Variants in SACM1L observed in about 807,000 individuals in gnomAD.
The protein encoded by SACM1L is SAC1 like phosphatidylinositide phosphatase.
A neutral mutation model predicts 89.5 loss-of-function variants in SACM1L; 32 were observed. That is an observed-to-expected ratio of 0.36 (90% CI 0.27 to 0.48). The LOEUF (loss-of-function observed/expected upper bound fraction) is 0.48. Among genes scored for constraint, SACM1L ranks in the 20% least tolerant of loss-of-function variants. The pLI is 0.99. For missense variants in SACM1L, 543 were observed against 708.5 expected (o/e 0.77, Z 2.65); for synonymous variants, 213 against 232.8 (o/e 0.92, Z 0.77).
chr3:45,736,599 T>C (rs762635398), intron 14 of SACM1L, among the ~76,000 whole-genome samples: 22 of 152,236 alleles, frequency 1.4e-4, no homozygotes, highest in Non-Finnish European at 1.6e-4. Context: ...GTTTGTATTG[T>C]GCTATGTCCT....
At chr3:45,735,906 G>A (rs962415832) in intron 14 of SACM1L, among the ~76,000 whole-genome samples, 3 of 151,540 alleles carry the variant, frequency 2.0e-5, no homozygotes, top group Non-Finnish European at 2.9e-5. Flanking sequence ...TGGCTCTGTT[G>A]CCCAGGCTGG....
At chr3:45,712,373 G>C (rs1437502621) in intron 5 of SACM1L, among the ~76,000 whole-genome samples, 1 of 152,084 alleles carries the variant, frequency 6.6e-6, no homozygotes, top group Non-Finnish European at 1.5e-5. Context: ...GCCTCCCCAA[G>C]TAACTGGGAC....
chr3:45,732,033 AAT>A lies in SACM1L; in HGVS notation c.1002-17_1002-16del, dbSNP rs776880718. 4 of 1,442,974 alleles carry A rather than the reference AAT, an allele frequency of 2.8e-6. No individual in the cohort carries two copies. The highest frequency in any genetic ancestry group is 2.9e-5 in the African/African-American group (2 of 69,820). The allele number at this position is 1,442,974 out of a possible 1,614,324, so 89.4% of individuals were successfully genotyped here. ...ATGAATGATCTCTGGTCGGTTTCTG[AAT>A]ATCTTTTCTTTTGGTAGATACATTG... On this transcript the variant is annotated intron_variant, in intron 12 of 19. Coordinates refer to ENST00000389061, the MANE Select transcript of SACM1L (RefSeq NM_014016.5).
intron 7 of SACM1L, 22 bp from the exon 8 acceptor site, chr3:45,719,478 T>A (rs1304128279): frequency 1.5e-6 from 2 of 1,317,430 alleles, no homozygotes; most frequent in Non-Finnish European, 2.2e-6. Flanking sequence ...TTATATGTTA[T>A]ATTTTTCTTA....
intron 8 of SACM1L, among the ~76,000 whole-genome samples, chr3:45,719,802 C>A (rs1243332067): frequency 6.6e-6 from 1 of 152,126 alleles, no homozygotes; most frequent in Non-Finnish European, 1.5e-5. Flanking sequence ...TAATGTGATA[C>A]TTGTAGGCTG....
chr3:45,699,821 CG>C (rs1401507639), intron 1 of SACM1L, among the ~76,000 whole-genome samples: 1 of 152,100 alleles, frequency 6.6e-6, no homozygotes, highest in Non-Finnish European at 1.5e-5. Context: ...CGCGCCCAGC[CG>C]AGAAAAACTT....
At chr3:45,724,298 GGTGTGTGTGTGTGTGTGTGT>G (rs61075879) in intron 11 of SACM1L, among the ~76,000 whole-genome samples, 14 of 139,716 alleles carry the variant, frequency 1.0e-4, no homozygotes, top group Non-Finnish European at 1.8e-4. Context: ...GTTGTTTTCT[GGTGTGTGTGTGTGTGTGTGT>G]GTGTGTGTGT....
At position 45,723,552 on chromosome 3, in the gene SACM1L, C is replaced by A; in HGVS notation, c.921+9C>A. 1 of 1,371,308 alleles carries A rather than the reference C, an allele frequency of 7.3e-7. No homozygotes were observed. Among genetic ancestry groups the A allele is most frequent in the Non-Finnish European group, 9.9e-7 (1 of 1,014,884 alleles). 84.9% of individuals were successfully genotyped at this position (1,371,308 alleles called of 1,614,324 possible). On this transcript the variant is annotated intron_variant, in intron 11 of 19. Transcript: ENST00000389061. Reference sequence around the variant, plus strand: ...AAGTTATAATCAATCTGGTATGTTTCTTATGTTTCTTGGGGGGAAAAAAAA... The same window carrying A: ...AAGTTATAATCAATCTGGTATGTTTATTATGTTTCTTGGGGGGAAAAAAAA...
At chr3:45,722,788 T>C in intron 9 of SACM1L, 81 bp from the exon 10 acceptor site, 1 of 997,086 alleles carries the variant, frequency 1.0e-6, no homozygotes, top group Non-Finnish European at 1.5e-6. Context: ...TATTCATTAA[T>C]ATATACACCC....
Position 45,709,719 on chromosome 3 carries a change from A to G in SACM1L, c.483+72A>G. The G allele has an allele frequency of 1.5e-6, 2 of 1,334,592 alleles. 1 individual carries two copies. Among genetic ancestry groups the G allele is most frequent in the South Asian group, 2.9e-5 (2 of 70,034 alleles). 82.7% of individuals were successfully genotyped at this position (1,334,592 alleles called of 1,614,324 possible). ...ACATGTCTCTGTTTCATGCATAAAA[A>G]TTTATATTGATTTTTCTCAGTCCTG... On this transcript the variant is annotated intron_variant, in intron 5 of 19. Transcript: ENST00000389061.
In SACM1L at chr3:45,706,790, T is replaced by G; in HGVS notation, c.216T>G (p.Leu72=). 2 of 1,609,016 alleles carry G rather than the reference T, an allele frequency of 1.2e-6. No homozygotes were observed. The highest frequency in any genetic ancestry group is 1.7e-6 in the Non-Finnish European group (2 of 1,176,764). The part of the protein sequence containing the change: ...GTIHLVAGNY[L]IVITKKIKVG... The stretch of plus-strand genomic sequence containing the variant: ...GCTTGCTTTTTGCAGGTAATTATCT[T>G]ATAGTCATTACCAAAAAGATAAAAG... Residue 72 remains leucine (L), a synonymous_variant, in exon 4 of 20, where the codon CTT becomes CTG. Coordinates refer to ENST00000389061, the MANE Select transcript of SACM1L (RefSeq NM_014016.5).
At chr3:45,710,569 A>T (rs1014746156) in intron 5 of SACM1L, among the ~76,000 whole-genome samples, 7 of 149,650 alleles carry the variant, frequency 4.7e-5, no homozygotes, top group Non-Finnish European at 8.9e-5. Flanking sequence ...ATCTCAACTT[A>T]AAGTTTCTTT....
intron 19 of SACM1L, among the ~76,000 whole-genome samples, chr3:45,740,082 G>C (rs1358396446): frequency 1.3e-5 from 2 of 151,794 alleles, no homozygotes; most frequent in African/African-American, 4.8e-5. Context: ...CAAAAGGGGA[G>C]GGTAGGTAGT....
intron 4 of SACM1L, chr3:45,707,150 G>T: frequency 3.2e-6 from 1 of 310,200 alleles, no homozygotes; most frequent in Non-Finnish European, 5.9e-6. Context: ...ATGGAGAGAA[G>T]GGAAAACAGA....
intron 11 of SACM1L, among the ~76,000 whole-genome samples, chr3:45,727,395 T>A (rs1698946656): frequency 6.6e-6 from 1 of 152,188 alleles, no homozygotes; most frequent in African/African-American, 2.4e-5. Flanking sequence ...TTTGAATTTT[T>A]AAAAATGTGT....
chr3:45,695,777 C>T (rs1158529570), intron 1 of SACM1L, among the ~76,000 whole-genome samples: 2 of 152,058 alleles, frequency 1.3e-5, no homozygotes, highest in African/African-American at 2.4e-5. Context: ...TCACCAGAAC[C>T]GTTTTCATCT....
intron 9 of SACM1L, 83 bp from the exon 10 acceptor site, chr3:45,722,786 A>C (rs1297974378): frequency 7.2e-6 from 7 of 967,690 alleles, no homozygotes; most frequent in Non-Finnish European, 1.1e-5. Flanking sequence ...CATATTCATT[A>C]ATATATACAC....
intron 11 of SACM1L, 148 bp downstream of exon 11, chr3:45,723,691 A>G (rs1698841670): frequency 9.0e-6 from 3 of 332,018 alleles, no homozygotes; most frequent in East Asian, 9.5e-5. Context: ...CATTTCCACA[A>G]CATTTCATCA....
chr3:45,741,577 T>A (rs1699317048), intron 19 of SACM1L, among the ~76,000 whole-genome samples: 1 of 152,236 alleles, frequency 6.6e-6, no homozygotes, highest in African/African-American at 2.4e-5. Flanking sequence ...ACTAATTCTG[T>A]CACCTTTTTG....
Sources: gnomAD v4.1 joint callset for allele counts (sites outside exome capture counted in the v4.1 genomes callset) on GRCh38, gnomAD v4.1.1 for gene constraint, MANE v1.5 for transcripts, NCBI Gene and HGNC (gene_info 2026-07-23, HGNC 2026-07-21) for gene names.